LRBA: variants seen among roughly 807,000 people sequenced by gnomAD.
LRBA encodes lipopolysaccharide-responsive and beige-like anchor protein.
LRBA carries 176 observed loss-of-function variants against 330.0 expected under a neutral mutation model. The ratio of observed to expected loss-of-function variants is 0.53; its 90% CI spans 0.47 to 0.60. The LOEUF (loss-of-function observed/expected upper bound fraction) is 0.60, where lower values mean the gene tolerates loss of function less well. Ranked by LOEUF, LRBA falls within the 20% of genes least tolerant of loss-of-function variation. The pLI is 0.00. For synonymous variants in LRBA, 1,230 were observed against 1,193.0 expected (o/e 1.03, Z -0.64); for missense variants, 3,259 against 3,444.8 (o/e 0.95, Z 1.35).
intron 51 of LRBA, among the ~76,000 whole-genome samples, chr4:150,312,245 C>T (rs188503163): frequency 6.6e-6 from 1 of 152,078 alleles, no homozygotes; most frequent in Non-Finnish European, 1.5e-5. Flanking sequence ...TGCCAAGTCC[C>T]CCATCCAGCT....
intron 44 of LRBA, among the ~76,000 whole-genome samples, chr4:150,443,872 ATTTTT>A (rs61403112): frequency 0.075 from 6,664 of 88,332 alleles, 344 homozygotes; most frequent in Admixed American, 0.15. Context: ...ATATATATAT[ATTTTT>A]TTTTTTTTTT....
chr4:150,844,730 T>C lies in LRBA; in HGVS notation c.4389A>G (p.Gln1463=), dbSNP rs185398793. Reference sequence around the variant, plus strand: ...AGGCTTTATCTCCCCTAGTTTTCAGTTGTGAATGCTGTTGACACTCCAAGC... The same window carrying C: ...AGGCTTTATCTCCCCTAGTTTTCAGCTGTGAATGCTGTTGACACTCCAAGC... ...RNCLECQQHS[Q]LKTRGDKALK... Residue 1463 remains glutamine, a synonymous_variant, in exon 27 of 57, where the codon CAA becomes CAG. Coordinates refer to ENST00000651943, the MANE Select transcript of LRBA (RefSeq NM_001364905.1). 18 of 1,613,246 alleles carry C rather than the reference T, an allele frequency of 1.1e-5. No homozygotes were observed. The highest frequency in any genetic ancestry group is 1.4e-5 in the Non-Finnish European group (16 of 1,179,252).
intron 30 of LRBA, 75 bp downstream of exon 30, chr4:150,828,105 T>A: frequency 5.0e-6 from 7 of 1,387,748 alleles, no homozygotes; most frequent in Non-Finnish European, 5.0e-6. Context: ...ACACAGGGCG[T>A]CATCATCCCT....
At chr4:150,512,132 T>A (rs1165463168) in intron 40 of LRBA, among the ~76,000 whole-genome samples, 1 of 152,234 alleles carries the variant, frequency 6.6e-6, no homozygotes, top group Non-Finnish European at 1.5e-5. Flanking sequence ...TTCCACTCCA[T>A]GTTTCTATAA....
At chr4:150,418,794 G>A (rs1166117192) in intron 46 of LRBA, among the ~76,000 whole-genome samples, 1 of 152,128 alleles carries the variant, frequency 6.6e-6, no homozygotes, top group African/African-American at 2.4e-5. Context: ...GCCTCTTGAA[G>A]GCATCTTTCT....
intron 22 of LRBA, among the ~76,000 whole-genome samples, chr4:150,854,952 G>A (rs1019199784): frequency 6.6e-6 from 1 of 152,002 alleles, no homozygotes; most frequent in Non-Finnish European, 1.5e-5. Flanking sequence ...AAGACAATCT[G>A]ATTTCCCTTT....
At chr4:150,358,855 G>A (rs1191877452) in intron 47 of LRBA, among the ~76,000 whole-genome samples, 2 of 152,050 alleles carry the variant, frequency 1.3e-5, no homozygotes, top group East Asian at 3.9e-4. Context: ...GCAGTCTCTT[G>A]CCTTTGAAGA....
At chr4:150,376,680 G>A (rs1194928891) in intron 47 of LRBA, among the ~76,000 whole-genome samples, 1 of 152,094 alleles carries the variant, frequency 6.6e-6, no homozygotes, top group Non-Finnish European at 1.5e-5. Flanking sequence ...TAACAAATAA[G>A]TTTTTAAATG....
At chr4:150,840,241 C>T (rs540951771) in intron 28 of LRBA, among the ~76,000 whole-genome samples, 3 of 152,276 alleles carry the variant, frequency 2.0e-5, no homozygotes, top group Admixed American at 6.5e-5. Flanking sequence ...CTGGAGTAAT[C>T]GTTTACTTTT....
chr4:150,831,842 A>G lies in LRBA; in HGVS notation c.4704T>C (p.Ser1568=). 1 of 1,598,640 alleles carries G rather than the reference A, an allele frequency of 6.3e-7. No individual in the cohort carries two copies. The highest frequency in any genetic ancestry group is 1.3e-5 in the African/African-American group (1 of 74,538). Residue 1568 remains serine, a synonymous_variant, in exon 29 of 57, where the codon AGT becomes AGC. Coordinates refer to ENST00000651943, the MANE Select transcript of LRBA (RefSeq NM_001364905.1). ...RHSQSCTETG[S]ENENVSLSEI... is the part of the protein sequence containing the mutation. ...CAGAGAGTGATACATTCTCATTTTC[A>G]CTGCCAGTTTCTGTACATGACTGGC...
At chr4:150,569,250 T>A (rs1232997968) in intron 40 of LRBA, among the ~76,000 whole-genome samples, 1 of 152,126 alleles carries the variant, frequency 6.6e-6, no homozygotes, top group Non-Finnish European at 1.5e-5. Flanking sequence ...AAACAGGTAG[T>A]CGCAGAATTG....
intron 4 of LRBA, among the ~76,000 whole-genome samples, chr4:150,923,264 C>G (rs1447436066): frequency 6.6e-6 from 1 of 151,380 alleles, no homozygotes; most frequent in Non-Finnish European, 1.5e-5. Context: ...GATACTTTAT[C>G]TACTTCTTTA....
At chr4:150,383,390 G>T (rs1318656955) in intron 47 of LRBA, among the ~76,000 whole-genome samples, 1 of 152,064 alleles carries the variant, frequency 6.6e-6, no homozygotes, top group African/African-American at 2.4e-5. Context: ...GGGACTACAG[G>T]TGTGTAGAAC....
intron 5 of LRBA, among the ~76,000 whole-genome samples, chr4:150,920,271 G>A (rs1029987199): frequency 6.6e-6 from 1 of 152,286 alleles, no homozygotes; most frequent in Middle Eastern, 3.4e-3. Flanking sequence ...GTCTTGGGCC[G>A]GGCGTGGTGA....
At chr4:150,457,155 A>G (rs1754182735) in intron 44 of LRBA, among the ~76,000 whole-genome samples, 1 of 152,062 alleles carries the variant, frequency 6.6e-6, no homozygotes, top group African/African-American at 2.4e-5. Flanking sequence ...TGCAGAATTT[A>G]CTCCTTTCCA....
intron 28 of LRBA, among the ~76,000 whole-genome samples, chr4:150,837,835 T>C (rs1411694955): frequency 6.6e-6 from 1 of 152,232 alleles, no homozygotes; most frequent in Admixed American, 6.5e-5. Context: ...CCTGTCATTA[T>C]GATGTTAGCT....
Position 150,389,911 on chromosome 4 carries a change from A to AT in LRBA, c.7194+25526dup, listed in dbSNP as rs34355782. ...TCTGGACTTCCATTTTTGTCTGGGT[A>AT]TTTTTTTTTTTTTTTTTTTTTTTGC... On this transcript the variant is annotated intron_variant, in intron 47 of 56. Transcript: ENST00000651943. 3.7e-3 allele frequency among the ~76,000 whole-genome samples: 411 copies of AT among 111,692 alleles called. 4 individuals are homozygous for AT. Among genetic ancestry groups the AT allele is most frequent in the African/African-American group, 7.9e-3 (238 of 30,228 alleles). 73.3% of individuals were successfully genotyped at this position (111,692 alleles called of 152,430 possible).
rs996111779 is a variant in LRBA, at chr4:150,453,963, GT to G, written c.6780+13709del. ...ATGTTTCGATCAAAACGATTTAAAA[GT>G]TTTTTTTTTCTTTCTTTGAGACAGA... is the stretch of plus-strand genomic sequence containing the variant. On this transcript the variant is annotated intron_variant, in intron 44 of 56. Coordinates refer to ENST00000651943, the MANE Select transcript of LRBA (RefSeq NM_001364905.1). Among the ~76,000 whole-genome samples, 19 of 150,246 alleles carry G rather than the reference GT, an allele frequency of 1.3e-4. No homozygotes were observed. In the South Asian group the frequency reaches 1.5e-3, roughly 12 times the overall value.
At chr4:150,577,630 C>A (rs114815103) in intron 40 of LRBA, among the ~76,000 whole-genome samples, 2,273 of 152,006 alleles carry the variant, frequency 0.015, 26 homozygotes, top group Non-Finnish European at 0.025. Context: ...TTGAAAGCTT[C>A]TAAAATATTT....
Sources: allele counts gnomAD v4.1 joint callset (sites outside exome capture counted in the v4.1 genomes callset), GRCh38; gene constraint gnomAD v4.1.1; transcripts MANE v1.5; gene names NCBI Gene and HGNC (gene_info 2026-07-23, HGNC 2026-07-21).